The following MEIOB variants were observed in gnomAD, a reference collection of about 807,000 sequenced individuals.
MEIOB encodes the protein meiosis-specific with OB domain-containing protein.
In MEIOB, 50 loss-of-function variants were observed where a neutral mutation model predicts 53.1. The ratio of observed to expected loss-of-function variants is 0.94; its 90% CI spans 0.75 to 1.19. The LOEUF (loss-of-function observed/expected upper bound fraction) is 1.19, where lower values mean the gene tolerates loss of function less well. MEIOB is among the 50% of genes most tolerant of loss of function. MEIOB has a pLI of 0.00. For synonymous variants in MEIOB, 192 were observed against 182.5 expected, an observed-to-expected ratio of 1.05 and a Z score of -0.42; for missense variants, 551 against 550.8, an observed-to-expected ratio of 1.00 and a Z score of 0.00.
chr16:1,839,535 TG>T, intron 11 of MEIOB, 97 bp from the exon 12 acceptor site: 3 of 1,167,626 alleles, frequency 2.6e-6, no homozygotes, highest in Non-Finnish European at 3.6e-6. Flanking sequence ...TCTACGACAG[TG>T]TGTGGAAAAC....
intron 9 of MEIOB, among the ~76,000 whole-genome samples, chr16:1,846,446 C>A (rs1899028530): frequency 6.6e-6 from 1 of 152,156 alleles, no homozygotes. Flanking sequence ...AGGATGAACA[C>A]AAGCCATTTA....
At chr16:1,841,418 G>A (rs915483404) in intron 11 of MEIOB, among the ~76,000 whole-genome samples, 9 of 152,148 alleles carry the variant, frequency 5.9e-5, no homozygotes, top group Non-Finnish European at 8.8e-5. Context: ...GGGCTCAACC[G>A]ATCCTCCCAC....
At chr16:1,861,923 C>G in intron 4 of MEIOB, 62 bp downstream of exon 4, 2 of 1,458,680 alleles carry the variant, frequency 1.4e-6, no homozygotes, top group Non-Finnish European at 1.9e-6. Flanking sequence ...GTATAGTTAC[C>G]ATAAACATAC....
At chr16:1,840,528 A>G (rs1898874168) in intron 11 of MEIOB, among the ~76,000 whole-genome samples, 1 of 142,212 alleles carries the variant, frequency 7.0e-6, no homozygotes, top group East Asian at 2.1e-4. Context: ...AAAAGCCACA[A>G]GGGATCTCTC....
chr16:1,835,028 G>A (rs1293605379), intron 13 of MEIOB, among the ~76,000 whole-genome samples: 1 of 151,666 alleles, frequency 6.6e-6, no homozygotes, highest in Non-Finnish European at 1.5e-5. Flanking sequence ...GCCAAGGCAG[G>A]TAGATCACTT....
chr16:1,865,678 G>A, intron 3 of MEIOB, 100 bp downstream of exon 3: 2 of 842,360 alleles, frequency 2.4e-6, no homozygotes, highest in South Asian at 1.7e-5. Flanking sequence ...CTCTTAAGGA[G>A]TTAAACAGGC....
intron 9 of MEIOB, among the ~76,000 whole-genome samples, chr16:1,849,034 C>T (rs1036169218): frequency 1.3e-5 from 2 of 152,120 alleles, no homozygotes; most frequent in Non-Finnish European, 1.5e-5. Context: ...CCTGTAATCC[C>T]AGCACTTTGG....
chr16:1,862,138 T>A (rs380846), intron 3 of MEIOB, 22 bp from the exon 4 acceptor site: 3 of 1,539,814 alleles, frequency 1.9e-6, no homozygotes, highest in African/African-American at 2.8e-5. Flanking sequence ...CCAATGCTTT[T>A]ATTTTTCAAA....
intron 9 of MEIOB, among the ~76,000 whole-genome samples, chr16:1,852,534 T>C (rs534999584): frequency 6.6e-6 from 1 of 151,746 alleles, no homozygotes; most frequent in Non-Finnish European, 1.5e-5. Context: ...GTGCTGGAAT[T>C]ACAGGTGTGA....
chr16:1,857,770 C>T lies in MEIOB; in HGVS notation c.493G>A (p.Gly165Arg). 1 of 1,551,834 alleles carries T rather than the reference C, an allele frequency of 6.4e-7. No individual in the cohort carries two copies. Among genetic ancestry groups the T allele is most frequent in the Non-Finnish European group, 8.7e-7 (1 of 1,147,012 alleles). ...DIVANGHSLN[G>R]RIINVLAAVK... Reference sequence around the variant, plus strand: ...GCTGCAAGCACGTTAATAATCCTCCCATTAAGACTGTGTCCATTTGCAACA... The same window carrying T: ...GCTGCAAGCACGTTAATAATCCTCCTATTAAGACTGTGTCCATTTGCAACA... The change falls in exon 6 of 14, where the codon GGG (glycine) becomes AGG (arginine). Residue 165 changes from glycine (G) to arginine (R), a missense_variant. Gly to Arg is a moderately radical substitution (Grantham distance 125). Transcript: ENST00000325962.
At position 1,860,403 on chromosome 16, in the gene MEIOB, C is replaced by T. The variant is rs71385721; in HGVS notation, c.332G>A (p.Ser111Asn). 1.3e-6 allele frequency: 2 copies of T among 1,510,272 alleles called. No homozygotes were observed. Among genetic ancestry groups the T allele is most frequent in the Non-Finnish European group, 1.8e-6 (2 of 1,109,880 alleles). The allele number at this position is 1,510,272 out of a possible 1,614,324, so 93.6% of individuals were successfully genotyped here. A position where few individuals can be genotyped will look rare whatever the true frequency, so the allele number is the denominator to read the frequency against. ...REEKFSPATPSNCKLLLSENH... is the reference protein window; with the variant it reads ...REEKFSPATPNNCKLLLSENH... The stretch of plus-strand genomic sequence containing the variant: ...ATCTCTGTGCTAGACAGATGCTTAC[C>T]TAGGAGTTGCAGGGCTGAATTTTTC... Residue 111 changes from serine (S) to asparagine (N), a missense_variant and splice_region_variant, in exon 5 of 14, where the codon AGC becomes AAC. Physicochemically the swap from Ser to Asn is conservative, Grantham distance 46. Coordinates refer to ENST00000325962, the MANE Select transcript of MEIOB (RefSeq NM_001163560.3).
intron 3 of MEIOB, among the ~76,000 whole-genome samples, chr16:1,865,380 C>T (rs970068479): frequency 6.7e-5 from 10 of 150,328 alleles, no homozygotes; most frequent in African/African-American, 2.2e-4. Flanking sequence ...TGCAGTGAGT[C>T]GAGATCGTGC....
At chr16:1,853,638 G>A (rs1899225391) in intron 7 of MEIOB, among the ~76,000 whole-genome samples, 1 of 152,196 alleles carries the variant, frequency 6.6e-6, no homozygotes, top group Non-Finnish European at 1.5e-5. Context: ...GGGCCTTGAT[G>A]GGTTGAAGAC....
intron 9 of MEIOB, among the ~76,000 whole-genome samples, chr16:1,846,870 T>C (rs1899038471): frequency 6.6e-6 from 1 of 152,136 alleles, no homozygotes; most frequent in Admixed American, 6.6e-5. Flanking sequence ...AAAACCTAGA[T>C]GATGGGCTGG....
At chr16:1,869,753 A>T (rs1048026559) in intron 1 of MEIOB, among the ~76,000 whole-genome samples, 1 of 151,792 alleles carries the variant, frequency 6.6e-6, no homozygotes, top group Non-Finnish European at 1.5e-5. Context: ...GCCCGGCCTC[A>T]GTGGGACATT....
intron 9 of MEIOB, among the ~76,000 whole-genome samples, chr16:1,852,293 T>C (rs1378833785): frequency 7.8e-6 from 1 of 127,634 alleles, no homozygotes; most frequent in Non-Finnish European, 1.6e-5. Flanking sequence ...AGACGGAGTC[T>C]CGCTCTGTCG....
At chr16:1,854,695 C>A (rs541657432) in intron 6 of MEIOB, among the ~76,000 whole-genome samples, 14 of 152,282 alleles carry the variant, frequency 9.2e-5, no homozygotes, top group African/African-American at 2.9e-4. Flanking sequence ...TAGGATATGT[C>A]CTTTGCCTTC....
At chr16:1,851,249 A>C (rs1424383819) in intron 9 of MEIOB, among the ~76,000 whole-genome samples, 1 of 152,142 alleles carries the variant, frequency 6.6e-6, no homozygotes, top group Non-Finnish European at 1.5e-5. Flanking sequence ...GGCTCCAGCC[A>C]CACCAGCCCC....
rs1400281178 is a variant in MEIOB at position 1,856,760 on chromosome 16, T to G, written c.528+975A>C. ...CAGGCATGAGCCACCACGCCAGGCC[T>G]TTTTTTTTTTTTTTTTTTTTTGAGA... On this transcript the variant is annotated intron_variant, in intron 6 of 13. Transcript: ENST00000325962. Among the ~76,000 whole-genome samples, 5 of 4,250 alleles carry G rather than the reference T, an allele frequency of 1.2e-3. 1 individual carries two copies. Among genetic ancestry groups the G allele is most frequent in the Non-Finnish European group, 2.4e-3 (5 of 2,076 alleles). 2.8% of individuals were successfully genotyped at this position (4,250 alleles called of 152,430 possible). A position where few individuals can be genotyped will look rare whatever the true frequency, so the allele number is the denominator to read the frequency against.
Sources: allele counts gnomAD v4.1 joint callset (sites outside exome capture counted in the v4.1 genomes callset), GRCh38; gene constraint gnomAD v4.1.1; transcripts MANE v1.5; gene names NCBI Gene and HGNC (gene_info 2026-07-23, HGNC 2026-07-21).